The following CRPPA variants were observed in gnomAD, a reference collection of about 807,000 sequenced individuals.
CRPPA encodes CDP-L-ribitol pyrophosphorylase A, also known as D-ribitol-5-phosphate cytidylyltransferase.
In CRPPA, 43 loss-of-function variants were observed where a neutral mutation model predicts 52.0. That is an observed-to-expected ratio of 0.83 (90% CI 0.65 to 1.07). The LOEUF is 1.07. Ranked by LOEUF, CRPPA falls within the 50% of genes least tolerant of loss-of-function variation. The probability of loss-of-function intolerance (pLI) is 0.00; values close to 1 mark genes in which losing one functional copy is unlikely to be tolerated. For synonymous variants in CRPPA, 250 were observed against 203.5 expected, an observed-to-expected ratio of 1.23 and a Z score of -1.94; for missense variants, 629 against 551.7, an observed-to-expected ratio of 1.14 and a Z score of -1.40.
intron 3 of CRPPA, among the ~76,000 whole-genome samples, chr7:16,314,028 T>C (rs1785091340): frequency 6.6e-6 from 1 of 152,018 alleles, no homozygotes; most frequent in South Asian, 2.1e-4. Flanking sequence ...TGATTTATAG[T>C]GTTACTGGGG....
chr7:16,242,027 C>T (rs1238278435), intron 8 of CRPPA, among the ~76,000 whole-genome samples: 6 of 134,386 alleles, frequency 4.5e-5, no homozygotes, highest in African/African-American at 1.7e-4. Flanking sequence ...GGTGCGATCT[C>T]GGTTCACTGC....
At chr7:16,399,865 T>C (rs921850442) in intron 2 of CRPPA, among the ~76,000 whole-genome samples, 6 of 151,590 alleles carry the variant, frequency 4.0e-5, no homozygotes, top group African/African-American at 1.5e-4. Flanking sequence ...GATTGACACA[T>C]GACTAACACG....
chr7:16,283,515 A>AT (rs1211070192), intron 5 of CRPPA, among the ~76,000 whole-genome samples: 1 of 94,744 alleles, frequency 1.1e-5, no homozygotes, highest in African/African-American at 2.9e-5. Flanking sequence ...AAATGATACT[A>AT]TCTATGTGTA....
At chr7:16,142,098 C>A (rs1782884610) in intron 9 of CRPPA, among the ~76,000 whole-genome samples, 1 of 152,040 alleles carries the variant, frequency 6.6e-6, no homozygotes, top group Non-Finnish European at 1.5e-5. Flanking sequence ...AGTTCTGTTA[C>A]CTAAGAGACA....
chr7:16,309,485 G>C (rs1431040672), intron 3 of CRPPA, among the ~76,000 whole-genome samples: 1 of 152,184 alleles, frequency 6.6e-6, no homozygotes, highest in South Asian at 2.1e-4. Context: ...CATCAGGAAG[G>C]CCTATCAGAG....
intron 9 of CRPPA, among the ~76,000 whole-genome samples, chr7:16,176,748 T>C (rs1290344086): frequency 8.1e-6 from 1 of 123,324 alleles, no homozygotes; most frequent in African/African-American, 2.6e-5. Flanking sequence ...GGCAAAATTA[T>C]TCTCCTAAAG....
At chr7:16,142,787 A>G (rs1210773837) in intron 9 of CRPPA, among the ~76,000 whole-genome samples, 1 of 152,250 alleles carries the variant, frequency 6.6e-6, no homozygotes, top group Non-Finnish European at 1.5e-5. Flanking sequence ...TTGCATTTTT[A>G]GAACACTAAT....
chr7:16,366,551 C>A (rs1334703683), intron 3 of CRPPA, among the ~76,000 whole-genome samples: 1 of 152,060 alleles, frequency 6.6e-6, no homozygotes, highest in South Asian at 2.1e-4. Context: ...TTCTAAACTG[C>A]CATACATATG....
intron 8 of CRPPA, among the ~76,000 whole-genome samples, chr7:16,217,422 C>T (rs1223791245): frequency 1.6e-4 from 24 of 148,802 alleles, no homozygotes; most frequent in African/African-American, 3.4e-4. Flanking sequence ...TCACCAGCAA[C>T]GGAACAAAGC....
intron 3 of CRPPA, among the ~76,000 whole-genome samples, chr7:16,354,899 C>A (rs899161187): frequency 2.0e-5 from 3 of 152,006 alleles, no homozygotes; most frequent in African/African-American, 7.3e-5. Context: ...AACTAAACAG[C>A]AAAGTTAAAC....
intron 1 of CRPPA, among the ~76,000 whole-genome samples, chr7:16,419,126 A>G (rs935299508): frequency 6.6e-6 from 1 of 152,348 alleles, no homozygotes; most frequent in African/African-American, 2.4e-5. Context: ...AATGGAATAA[A>G]GTTAGCAACT....
intron 9 of CRPPA, among the ~76,000 whole-genome samples, chr7:16,159,992 G>C (rs1298456427): frequency 1.3e-5 from 2 of 152,104 alleles, no homozygotes; most frequent in South Asian, 2.1e-4. Flanking sequence ...AAAAGTGTCT[G>C]TTCATATCCT....
intron 9 of CRPPA, among the ~76,000 whole-genome samples, chr7:16,184,859 G>A (rs1781475845): frequency 6.6e-6 from 1 of 152,100 alleles, no homozygotes; most frequent in South Asian, 2.1e-4. Context: ...ATCGTCGTTA[G>A]TGATTTTTAA....
chr7:16,415,415 C>T (rs568851218), intron 1 of CRPPA, among the ~76,000 whole-genome samples: 9 of 152,108 alleles, frequency 5.9e-5, no homozygotes, highest in Admixed American at 5.2e-4. Context: ...CATAGAGTAC[C>T]GAACTCAAGT....
chr7:16,169,338 A>T (rs1781130445), intron 9 of CRPPA, among the ~76,000 whole-genome samples: 1 of 152,226 alleles, frequency 6.6e-6, no homozygotes, highest in African/African-American at 2.4e-5. Context: ...CCACTTGAAG[A>T]AATAAAAACA....
At chr7:16,321,897 T>C (rs1040846732) in intron 3 of CRPPA, among the ~76,000 whole-genome samples, 36 of 152,098 alleles carry the variant, frequency 2.4e-4, no homozygotes, top group African/African-American at 8.5e-4. Context: ...AGAAAGATGG[T>C]GAGGCTTAGG....
At chr7:16,170,172 C>T (rs1781149494) in intron 9 of CRPPA, among the ~76,000 whole-genome samples, 1 of 152,016 alleles carries the variant, frequency 6.6e-6, no homozygotes, top group African/African-American at 2.4e-5. Flanking sequence ...TGTCATAGCT[C>T]CTTAACAGTG....
At chr7:16,113,965 TAAATATAAAGGA>T (rs1330253894) in intron 9 of CRPPA, among the ~76,000 whole-genome samples, 122 of 152,004 alleles carry the variant, frequency 8.0e-4, no homozygotes, top group African/African-American at 2.7e-3. Context: ...AAGTAACATC[TAAATATAAAGGA>T]TATTTAAAAG....
intron 9 of CRPPA, among the ~76,000 whole-genome samples, chr7:16,178,470 T>C (rs1037493998): frequency 6.6e-6 from 1 of 152,178 alleles, no homozygotes; most frequent in Admixed American, 6.6e-5. Flanking sequence ...AATTCTTACA[T>C]GAATTACTGA....
Sources: gnomAD v4.1 joint callset for allele counts (sites outside exome capture counted in the v4.1 genomes callset) on GRCh38, gnomAD v4.1.1 for gene constraint, MANE v1.5 for transcripts, NCBI Gene and HGNC (gene_info 2026-07-23, HGNC 2026-07-21) for gene names.